Variants in ALDH3B2 observed in about 807,000 individuals in gnomAD.
ALDH3B2 encodes the protein aldehyde dehydrogenase family 3 member B2.
ALDH3B2 carries 45 observed loss-of-function variants against 36.7 expected under a neutral mutation model. That is an observed-to-expected ratio of 1.23 (90% CI 0.97 to 1.57). The LOEUF (loss-of-function observed/expected upper bound fraction) is 1.57. ALDH3B2 is among the 40% of genes most tolerant of loss of function. The pLI is 0.00. For synonymous variants in ALDH3B2, 217 were observed against 226.5 expected (o/e 0.96, Z 0.38); for missense variants, 464 against 513.3 (o/e 0.90, Z 0.93).
intron 9 of ALDH3B2, 30 bp from the exon 10 acceptor site, chr11:67,663,429 G>A (rs1166354719): frequency 6.3e-7 from 1 of 1,592,198 alleles, no homozygotes; most frequent in Admixed American, 1.8e-5. Context: ...AAGGGCCTGA[G>A]ACCAGGCAGC....
upstream of ALDH3B2, among the ~76,000 whole-genome samples, chr11:67,675,093 TCA>T (rs1292171666): frequency 1.3e-5 from 2 of 152,162 alleles, no homozygotes; most frequent in Non-Finnish European, 2.9e-5. Context: ...ATTTCCACTC[TCA>T]GTGTGCCCAG....
exon 3 of ALDH3B2, chr11:67,666,960 G>T (rs775339680): frequency 4.3e-6 from 7 of 1,613,906 alleles, no homozygotes; most frequent in African/African-American, 1.3e-5. Context: ...TCTTGAGAGC[G>T]TAGTCAACCT....
chr11:67,663,742 T>C (rs1235613528), exon 9 of ALDH3B2: 1 of 1,612,120 alleles, frequency 6.2e-7, no homozygotes, highest in East Asian at 2.2e-5. Flanking sequence ...GCTGGTCCGC[T>C]CCAGCATCTG....
At chr11:67,666,610 G>C in exon 4 of ALDH3B2, 1 of 1,614,164 alleles carries the variant, frequency 6.2e-7, no homozygotes, top group Non-Finnish European at 8.5e-7. Flanking sequence ...ACCAGGGTCA[G>C]GTTCAGTGGG....
chr11:67,680,359 T>G (rs1225498157), intron 1 of ALDH3B2, among the ~76,000 whole-genome samples: 1 of 152,172 alleles, frequency 6.6e-6, no homozygotes, highest in African/African-American at 2.4e-5. Flanking sequence ...TATTTTCAGT[T>G]GGTGCCCTGA....
At chr11:67,674,965 A>G (rs1856233906), upstream of ALDH3B2, among the ~76,000 whole-genome samples, 1 of 152,106 alleles carries the variant, frequency 6.6e-6, no homozygotes, top group South Asian at 2.1e-4. Context: ...GGCCCCAGCC[A>G]CAGTGGTCCC....
In ALDH3B2 at chr11:67,666,602, C is replaced by T. The variant is rs112071378; in HGVS notation, c.123G>A (p.Leu41=). The change falls in exon 4 of 10, where the codon CTG becomes CTA. Residue 41 remains leucine (L), a synonymous_variant. Transcript: ENST00000349015. The stretch of plus-strand genomic sequence containing the variant: ...CGGCGAGGGCGCCCACCAGGAGCAC[C>T]AGGGTCAGGTTCAGTGGGTAGTTCC... 6.9e-4 allele frequency: 1,115 copies of T among 1,614,116 alleles called. 8 individuals are homozygous for T. In the African/African-American group the frequency reaches 0.013, roughly 18 times the overall value.
intron 9 of ALDH3B2, 97 bp downstream of exon 9, chr11:67,663,565 G>A: frequency 7.2e-7 from 1 of 1,389,480 alleles, no homozygotes; most frequent in Non-Finnish European, 9.9e-7. Context: ...GAGAGGCCCA[G>A]GGTGTGGATC....
intron 1 of ALDH3B2, among the ~76,000 whole-genome samples, chr11:67,669,724 G>C (rs1281367010): frequency 6.8e-6 from 1 of 147,364 alleles, no homozygotes; most frequent in African/African-American, 2.6e-5. Flanking sequence ...GTGCGTATGG[G>C]TGTCTGTGTG....
chr11:67,675,354 A>C (rs908307508), upstream of ALDH3B2, among the ~76,000 whole-genome samples: 1 of 152,156 alleles, frequency 6.6e-6, no homozygotes, highest in Non-Finnish European at 1.5e-5. Flanking sequence ...CCTGGCACAA[A>C]ATCAGTGCCC....
upstream of ALDH3B2, among the ~76,000 whole-genome samples, chr11:67,679,203 C>T (rs1856324294): frequency 6.6e-6 from 1 of 152,116 alleles, no homozygotes; most frequent in African/African-American, 2.4e-5. Context: ...TGCAGTGGCT[C>T]ACATCTGTAA....
At chr11:67,666,194 C>T in exon 6 of ALDH3B2, 1 of 1,614,064 alleles carries the variant, frequency 6.2e-7, no homozygotes, top group South Asian at 1.1e-5. Flanking sequence ...AGCACCACGG[C>T]AAAGCAGCTC....
intron 7 of ALDH3B2, 106 bp downstream of exon 7, chr11:67,665,179 T>C (rs1457744171): frequency 4.0e-6 from 6 of 1,507,962 alleles, no homozygotes; most frequent in Non-Finnish European, 4.4e-6. Context: ...GCTCTGATAG[T>C]GGGGCCGGGT....
chr11:67,680,760 T>G, intron 1 of ALDH3B2, among the ~76,000 whole-genome samples: 1 of 152,170 alleles, frequency 6.6e-6, no homozygotes, highest in Non-Finnish European at 1.5e-5. Context: ...TTGTTTTACC[T>G]CCAAGGAAAG....
intron 1 of ALDH3B2, among the ~76,000 whole-genome samples, chr11:67,672,305 G>GC (rs998886327): frequency 4.0e-5 from 6 of 151,160 alleles, no homozygotes; most frequent in African/African-American, 1.5e-4. Flanking sequence ...ATAGGTGCCT[G>GC]CCACCATGCC....
rs57997475 is a variant in ALDH3B2, at chr11:67,672,042, C to CATATATAT, written c.-245+2387_-245+2394dup. 8.9e-4 allele frequency among the ~76,000 whole-genome samples: 44 copies of CATATATAT among 49,478 alleles called. 1 individual carries two copies. Among genetic ancestry groups the CATATATAT allele is most frequent in the African/African-American group, 3.7e-3 (36 of 9,780 alleles). The allele number at this position is 49,478 out of a possible 152,430, so 32.5% of individuals were successfully genotyped here. A position where few individuals can be genotyped will look rare whatever the true frequency, so the allele number is the denominator to read the frequency against. On this transcript the variant is annotated intron_variant, in intron 1 of 9. Transcript: ENST00000349015. ...CTTTCTGGATGGAACCGATGTACTT[C>CATATATAT]ATATATATATATATATATATATATA...
Position 67,665,680 on chromosome 11 carries a change from G to A in ALDH3B2, c.320-9C>T, listed in dbSNP as rs1175511268. 2.5e-6 allele frequency: 4 copies of A among 1,595,632 alleles called. No homozygotes were observed. Among genetic ancestry groups the A allele is most frequent in the Non-Finnish European group, 3.4e-6 (4 of 1,170,618 alleles). On this transcript the variant is annotated splice_polypyrimidine_tract_variant and intron_variant, in intron 6 of 9. Coordinates refer to ENST00000349015, the Ensembl canonical transcript of ALDH3B2. ...GCCCACACGAGGGCTCCCTGGGCGT[G>A]GAAGGAAACCAGAGTGGCCAGTCAG...
At chr11:67,676,714 C>T (rs1241450374), upstream of ALDH3B2, among the ~76,000 whole-genome samples, 1 of 151,838 alleles carries the variant, frequency 6.6e-6, no homozygotes, top group Non-Finnish European at 1.5e-5. Flanking sequence ...GCAAGATTAA[C>T]CAAGAAAAGA....
chr11:67,672,032 C>T (rs1465032638), intron 1 of ALDH3B2, among the ~76,000 whole-genome samples: 22 of 98,750 alleles, frequency 2.2e-4, no homozygotes, highest in Non-Finnish European at 4.1e-4. Flanking sequence ...TGGATGGAAC[C>T]GATGTACTTC....
Sources: allele counts gnomAD v4.1 joint callset (sites outside exome capture counted in the v4.1 genomes callset), GRCh38; gene constraint gnomAD v4.1.1; transcripts MANE v1.5; gene names NCBI Gene and HGNC (gene_info 2026-07-23, HGNC 2026-07-21).